Variants in ARHGEF3 observed in about 807,000 individuals in gnomAD.
The protein encoded by ARHGEF3 is 59.8 kDA protein.
Under a neutral mutation model 63.2 loss-of-function variants are expected in ARHGEF3, and 28 were observed. That is an observed-to-expected ratio of 0.44 (90% CI 0.33 to 0.61). The LOEUF (loss-of-function observed/expected upper bound fraction) is 0.61. ARHGEF3 is among the 20% of genes least tolerant of loss of function. The probability of loss-of-function intolerance (pLI) is 0.03; values close to 1 mark genes in which losing one functional copy is unlikely to be tolerated. For synonymous variants in ARHGEF3, 266 were observed against 254.2 expected, an observed-to-expected ratio of 1.05 and a Z score of -0.44; for missense variants, 533 against 659.3, an observed-to-expected ratio of 0.81 and a Z score of 2.10.
intron 2 of ARHGEF3, among the ~76,000 whole-genome samples, chr3:57,017,912 GA>G (rs955840683): frequency 6.6e-6 from 1 of 152,110 alleles, no homozygotes; most frequent in Non-Finnish European, 1.5e-5. Context: ...AACGAGCTTG[GA>G]AAAAAACTTT....
chr3:57,059,519 A>C (rs1579188676), intron 1 of ARHGEF3, among the ~76,000 whole-genome samples: 1 of 83,560 alleles, frequency 1.2e-5, no homozygotes, highest in Admixed American at 1.7e-4. Flanking sequence ...GGGTGGGGGG[A>C]GGGAGGGTGG....
chr3:56,937,146 A>G (rs1273918977), intron 3 of ARHGEF3, among the ~76,000 whole-genome samples: 2 of 152,242 alleles, frequency 1.3e-5, no homozygotes, highest in Non-Finnish European at 2.9e-5. Flanking sequence ...AAAAACAAAC[A>G]AAAAATAAAT....
chr3:56,760,942 A>C (rs2035380276), intron 2 of ARHGEF3, among the ~76,000 whole-genome samples: 2 of 152,054 alleles, frequency 1.3e-5, no homozygotes, highest in Admixed American at 6.6e-5. Flanking sequence ...AAGGGACTGG[A>C]TGTTGAAAGA....
At chr3:57,003,576 A>G (rs1185624122) in intron 2 of ARHGEF3, among the ~76,000 whole-genome samples, 1 of 152,004 alleles carries the variant, frequency 6.6e-6, no homozygotes, top group Non-Finnish European at 1.5e-5. Flanking sequence ...AGATGTCCCC[A>G]TCCTAATTCC....
intron 4 of ARHGEF3, among the ~76,000 whole-genome samples, chr3:56,876,033 A>C (rs950185687): frequency 3.3e-5 from 5 of 152,164 alleles, no homozygotes; most frequent in Non-Finnish European, 7.4e-5. Context: ...GCTAGATATG[A>C]AGGGTAAGGG....
At chr3:56,949,098 T>C (rs1020322220) in intron 3 of ARHGEF3, among the ~76,000 whole-genome samples, 2 of 151,838 alleles carry the variant, frequency 1.3e-5, no homozygotes, top group African/African-American at 4.9e-5. Flanking sequence ...CTAAAAACTC[T>C]CAATAAATTA....
chr3:56,797,669 G>A (rs1186420459), intron 1 of ARHGEF3, among the ~76,000 whole-genome samples: 1 of 152,190 alleles, frequency 6.6e-6, no homozygotes, highest in Admixed American at 6.5e-5. Context: ...AGCCCGAGGT[G>A]CATACAATTT....
chr3:56,948,081 G>A (rs1215533761), intron 3 of ARHGEF3, among the ~76,000 whole-genome samples: 1 of 152,014 alleles, frequency 6.6e-6, no homozygotes, highest in African/African-American at 2.4e-5. Context: ...TGAAACCAAC[G>A]AGAACAAAGA....
At chr3:56,788,637 G>C (rs1268583991) in intron 1 of ARHGEF3, among the ~76,000 whole-genome samples, 1 of 151,878 alleles carries the variant, frequency 6.6e-6, no homozygotes, top group Non-Finnish European at 1.5e-5. Context: ...TCATCTGCTT[G>C]CCTTGGGTCT....
intron 3 of ARHGEF3, among the ~76,000 whole-genome samples, chr3:56,951,173 A>G (rs1488465919): frequency 3.3e-5 from 5 of 151,868 alleles, no homozygotes; most frequent in Non-Finnish European, 5.9e-5. Flanking sequence ...AGATATACCT[A>G]TGTTAAATGA....
At chr3:56,882,143 T>C (rs2040787569) in intron 4 of ARHGEF3, 1 of 685,784 alleles carries the variant, frequency 1.5e-6, no homozygotes, top group East Asian at 2.8e-5. Context: ...ATAAAATGTT[T>C]TTCAGTTAAA....
intron 2 of ARHGEF3, among the ~76,000 whole-genome samples, chr3:56,989,126 G>A (rs1701649963): frequency 6.6e-6 from 1 of 152,216 alleles, no homozygotes; most frequent in Non-Finnish European, 1.5e-5. Context: ...CTTCGTCCAT[G>A]CCTCCCGGAG....
rs77799811 is a variant in ARHGEF3, at chr3:56,810,550, A to G, written c.193-36734T>C. ...TCAAAAACAAAAAGAAAAGAAAAGA[A>G]AAGAAAAATATTGTCAATTAAATTA... is the stretch of plus-strand genomic sequence containing the variant. On this transcript the variant is annotated intron_variant, in intron 4 of 12. Coordinates refer to the ARHGEF3 transcript ENST00000338458. 5.0e-4 allele frequency among the ~76,000 whole-genome samples: 76 copies of G among 152,324 alleles called. No individual in the cohort carries two copies. The East Asian group carries it at 0.013, about 26-fold the overall frequency.
intron 1 of ARHGEF3, chr3:57,074,269 CAAT>C: frequency 6.2e-7 from 1 of 1,604,572 alleles, no homozygotes; most frequent in Non-Finnish European, 8.5e-7. Flanking sequence ...CATCTGTAAT[CAAT>C]AATAATCCTG....
chr3:56,975,634 G>T (rs1290728589), intron 2 of ARHGEF3: 6 of 251,392 alleles, frequency 2.4e-5, no homozygotes, highest in Admixed American at 1.1e-4. Context: ...CACACAGCTA[G>T]TAGGCATCAG....
At chr3:56,830,308 A>C (rs576215669) in intron 4 of ARHGEF3, among the ~76,000 whole-genome samples, 1 of 152,076 alleles carries the variant, frequency 6.6e-6, no homozygotes, top group South Asian at 2.1e-4. Context: ...GAGGCTGATG[A>C]TACTACAACC....
rs1004804933 is a variant in ARHGEF3 at position 56,884,938 on chromosome 3, C to T, written c.130-2584G>A. 7.2e-5 allele frequency among the ~76,000 whole-genome samples: 11 copies of T among 152,200 alleles called. No homozygotes were observed. In the East Asian group the frequency reaches 7.7e-4, roughly 11 times the overall value. On this transcript the variant is annotated intron_variant, in intron 3 of 12. Transcript: ENST00000338458. ...TTTGCTCAAAGTTACATGGTTACAG[C>T]GTAACACTCTGAATCCAGGATTCTA...
chr3:56,823,080 T>G (rs1014769828), intron 4 of ARHGEF3, among the ~76,000 whole-genome samples: 1 of 152,134 alleles, frequency 6.6e-6, no homozygotes, highest in African/African-American at 2.4e-5. Context: ...AAAGAAGAAA[T>G]ATTCCACTTT....
At chr3:56,775,804 A>ACT in intron 1 of ARHGEF3, 1 of 295,360 alleles carries the variant, frequency 3.4e-6, no homozygotes, top group Non-Finnish European at 4.9e-6. Flanking sequence ...GCGCAAGCAC[A>ACT]CACACACACA....
Sources: gnomAD v4.1 joint callset for allele counts (sites outside exome capture counted in the v4.1 genomes callset) on GRCh38, gnomAD v4.1.1 for gene constraint, MANE v1.5 for transcripts, NCBI Gene and HGNC (gene_info 2026-07-23, HGNC 2026-07-21) for gene names.